ADGRG1: variants seen among roughly 807,000 people sequenced by gnomAD.
The protein encoded by ADGRG1 is adhesion G protein-coupled receptor G1.
In ADGRG1, 53 loss-of-function variants were observed where a neutral mutation model predicts 73.5. The ratio of observed to expected loss-of-function variants is 0.72; its 90% CI spans 0.58 to 0.91. ADGRG1 has a LOEUF of 0.91. Among genes scored for constraint, ADGRG1 ranks in the 40% least tolerant of loss-of-function variants. ADGRG1 has a pLI of 0.00. For missense variants in ADGRG1, 795 were observed against 871.8 expected (o/e 0.91, Z 1.11); for synonymous variants, 394 against 374.4 (o/e 1.05, Z -0.60).
chr16:57,656,187 G>A (rs372596871), intron 7 of ADGRG1, 39 bp from the exon 8 acceptor site: 2 of 1,613,546 alleles, frequency 1.2e-6, no homozygotes, highest in African/African-American at 2.7e-5. Flanking sequence ...AGGGGTGGGG[G>A]GCTGTCACAG....
At chr16:57,633,871 G>T (rs1332891498) in intron 1 of ADGRG1, among the ~76,000 whole-genome samples, 1 of 152,220 alleles carries the variant, frequency 6.6e-6, no homozygotes, top group Non-Finnish European at 1.5e-5. Context: ...TTCCCCTTTG[G>T]ACATGCCCAT....
intron 1 of ADGRG1, chr16:57,642,725 GAGAA>G (rs1295553227): frequency 2.4e-6 from 2 of 833,766 alleles, no homozygotes; most frequent in Non-Finnish European, 2.9e-6. Context: ...TCCCAGAGAA[GAGAA>G]AGAACTCAGA....
intron 1 of ADGRG1, chr16:57,633,618 C>A: frequency 4.3e-6 from 2 of 461,802 alleles, no homozygotes; most frequent in Non-Finnish European, 5.7e-6. Context: ...GGTATATTAA[C>A]CTCTCTGTGC....
At chr16:57,626,077 A>T (rs372705287), upstream of ADGRG1, among the ~76,000 whole-genome samples, 1 of 152,186 alleles carries the variant, frequency 6.6e-6, no homozygotes, top group Non-Finnish European at 1.5e-5. Flanking sequence ...TTGTGAGAAC[A>T]GAAGGAGAAG....
chr16:57,651,231 T>C lies in ADGRG1; in HGVS notation c.96T>C (p.Phe32=), dbSNP rs2148227270. ...ACGGCAGGGGCCACAGGGAAGACTT[T>C]CGCTTCTGCAGCCAGCGGAACCAGA... ...GAHGRGHRED[F]RFCSQRNQTH... The change falls in exon 3 of 14, where the codon TTT becomes TTC. Residue 32 remains phenylalanine, a synonymous_variant. Transcript: ENST00000562631. 3 of 1,614,180 alleles carry C rather than the reference T, an allele frequency of 1.9e-6. No individual in the cohort carries two copies. Among genetic ancestry groups the C allele is most frequent in the Middle Eastern group, 1.6e-4 (1 of 6,062 alleles).
chr16:57,652,372 G>T (rs1317953), intron 3 of ADGRG1, among the ~76,000 whole-genome samples: 1 of 151,994 alleles, frequency 6.6e-6, no homozygotes, highest in South Asian at 2.1e-4. Flanking sequence ...TTTCAGGGGT[G>T]GGGGGCACAG....
At chr16:57,622,720 T>C, upstream of ADGRG1, 2 of 951,642 alleles carry the variant, frequency 2.1e-6, no homozygotes, top group Non-Finnish European at 2.5e-6. Flanking sequence ...TGCCAAGTGC[T>C]CTTGGGAGGC....
chr16:57,628,344 G>A, upstream of ADGRG1: 1 of 394,620 alleles, frequency 2.5e-6, no homozygotes, highest in Non-Finnish European at 3.5e-6. Context: ...ACAGATGGAG[G>A]CTGAGGAAGC....
At chr16:57,631,062 G>A (rs2037742736) in intron 1 of ADGRG1, 1 of 985,582 alleles carries the variant, frequency 1.0e-6, no homozygotes. Flanking sequence ...GGAGGGCCAG[G>A]ATGGGTGTTC....
intron 10 of ADGRG1, 162 bp from the exon 11 acceptor site, chr16:57,659,251 G>C: frequency 6.7e-7 from 1 of 1,493,588 alleles, no homozygotes; most frequent in South Asian, 1.3e-5. Context: ...GGGATGTGGG[G>C]AACAGTTTGG....
rs550208227 is a variant in ADGRG1, at chr16:57,663,779, G to C, written c.*197G>C. On this transcript the variant is annotated 3_prime_UTR_variant, in exon 14 of 14. Transcript: ENST00000562631. ...TTTGAATTGGCCTTGGGGACTACTC[G>C]GCTCTCACTCAGCTCCCACGGGACT... 3 of 640,146 alleles carry C rather than the reference G, an allele frequency of 4.7e-6. No individual in the cohort carries two copies. Among genetic ancestry groups the C allele is most frequent in the East Asian group, 5.5e-5 (2 of 36,496 alleles). The allele number at this position is 640,146 out of a possible 1,614,324, so 39.7% of individuals were successfully genotyped here.
upstream of ADGRG1, among the ~76,000 whole-genome samples, chr16:57,623,571 G>A (rs1001270716): frequency 1.3e-5 from 2 of 152,210 alleles, no homozygotes; most frequent in Admixed American, 6.5e-5. Flanking sequence ...GATTTGTCCC[G>A]TTTTAGCGAT....
In ADGRG1 at chr16:57,659,406, C is replaced by T. The variant is rs773923883; in HGVS notation, c.1287-7C>T. On this transcript the variant is annotated splice_polypyrimidine_tract_variant and splice_region_variant and intron_variant, in intron 10 of 13. Coordinates refer to ENST00000562631, the MANE Select transcript of ADGRG1 (RefSeq NM_201525.4). The stretch of plus-strand genomic sequence containing the variant: ...CACTGGCCCACCAGGGTGCCCCTGC[C>T]GTGCAGGAGGAAACCTCGGGACTAC... 1.7e-5 allele frequency: 28 copies of T among 1,613,174 alleles called. No individual in the cohort carries two copies. In the Middle Eastern group the frequency reaches 4.9e-4, roughly 28 times the overall value.
At chr16:57,649,566 T>C (rs1190679756) in intron 1 of ADGRG1, among the ~76,000 whole-genome samples, 1 of 151,966 alleles carries the variant, frequency 6.6e-6, no homozygotes, top group Non-Finnish European at 1.5e-5. Flanking sequence ...GAGCCCCCTT[T>C]TTTCTGTGTT....
At chr16:57,624,619 C>A, upstream of ADGRG1, 1 of 467,082 alleles carries the variant, frequency 2.1e-6, no homozygotes, top group Non-Finnish European at 2.8e-6. Context: ...GCTGCTCTGG[C>A]CAGAGGGTTA....
At chr16:57,657,127 G>C (rs557037978) in intron 9 of ADGRG1, among the ~76,000 whole-genome samples, 31 of 152,358 alleles carry the variant, frequency 2.0e-4, no homozygotes, top group Middle Eastern at 3.4e-3. Context: ...GGACAGAATA[G>C]GGGTTCTCTC....
chr16:57,630,788 G>A (rs2037628521), intron 1 of ADGRG1: 2 of 290,694 alleles, frequency 6.9e-6, no homozygotes, highest in South Asian at 2.7e-4. Context: ...GAGAAGGTGG[G>A]AGGGGAAGGG....
Position 57,635,668 on chromosome 16 carries a change from G to A in ADGRG1, c.-36+6866G>A, listed in dbSNP as rs1414998478. The A allele has an allele frequency of 9.1e-6, 9 of 984,940 alleles. No homozygotes were observed. In the Admixed American group the frequency reaches 1.8e-4, roughly 20 times the overall value. 61.0% of individuals were successfully genotyped at this position (984,940 alleles called of 1,614,324 possible). On this transcript the variant is annotated intron_variant, in intron 1 of 13. Coordinates refer to ENST00000562631, the MANE Select transcript of ADGRG1 (RefSeq NM_201525.4). ...CTGTTCCCTGGGCCGTGAGGCTTTG[G>A]GCCCTGTGGCTCAGCCCCTCTGAGC...
intron 4 of ADGRG1, 46 bp from the exon 5 acceptor site, chr16:57,653,940 C>A: frequency 1.2e-6 from 2 of 1,612,106 alleles, no homozygotes; most frequent in Non-Finnish European, 1.7e-6. Context: ...TCCCTGGTGG[C>A]CCGGCCCCCT....
Sources: allele counts gnomAD v4.1 joint callset (sites outside exome capture counted in the v4.1 genomes callset), GRCh38; gene constraint gnomAD v4.1.1; transcripts MANE v1.5; gene names NCBI Gene and HGNC (gene_info 2026-07-23, HGNC 2026-07-21).